Variants in PCM1 observed in about 807,000 individuals in gnomAD.
PCM1 encodes pericentriolar material 1 protein.
Under a neutral mutation model 241.9 loss-of-function variants are expected in PCM1, and 157 were observed. The ratio of observed to expected loss-of-function variants is 0.65; its 90% CI spans 0.57 to 0.74. The LOEUF (loss-of-function observed/expected upper bound fraction) is 0.74, where lower values mean the gene tolerates loss of function less well. PCM1 is among the 30% of genes least tolerant of loss of function. The pLI is 0.00. For synonymous variants in PCM1, 1,085 were observed against 784.9 expected (o/e 1.38, Z -6.39); for missense variants, 3,478 against 2,360.1 (o/e 1.47, Z -9.81).
At chr8:17,947,142 G>C in intron 6 of PCM1, 44 bp from the exon 7 acceptor site, 2 of 1,300,618 alleles carry the variant, frequency 1.5e-6, no homozygotes, top group South Asian at 1.4e-5. Flanking sequence ...CCGCAACATG[G>C]ATTTTAATAG....
chr8:17,948,294 CTTTTTTT>C (rs550672840), intron 7 of PCM1, among the ~76,000 whole-genome samples: 12 of 63,948 alleles, frequency 1.9e-4, no homozygotes, highest in East Asian at 1.3e-3. Context: ...CAAATAACCT[CTTTTTTT>C]TTTTTTTTTT....
chr8:17,972,223 C>G, intron 22 of PCM1, 106 bp from the exon 23 acceptor site: 1 of 535,990 alleles, frequency 1.9e-6, no homozygotes, highest in Non-Finnish European at 3.0e-6. Context: ...AGCCTGTTGA[C>G]AATTTTATTC....
At position 18,014,747 on chromosome 8, in the gene PCM1, T is replaced by C; in HGVS notation, c.5748T>C (p.Pro1916=). 4 of 1,613,080 alleles carry C rather than the reference T, an allele frequency of 2.5e-6. No individual in the cohort carries two copies. Among genetic ancestry groups the C allele is most frequent in the Non-Finnish European group, 3.4e-6 (4 of 1,179,770 alleles). ...LRLPEMEPLV[P]RVKEVKSAQE... Reference sequence around the variant, plus strand: ...TACCTGAAATGGAACCCTTAGTGCCTAGAGTCAAAGAAGTTAAATCTGCTC... The same window carrying C: ...TACCTGAAATGGAACCCTTAGTGCCCAGAGTCAAAGAAGTTAAATCTGCTC... The change falls in exon 36 of 39, where the codon CCT becomes CCC. Residue 1916 remains proline (P), a synonymous_variant. Transcript: ENST00000325083.
In PCM1 at chr8:17,962,062, C is replaced by T. The variant is rs201965485; in HGVS notation, c.2351C>T (p.Pro784Leu). 64 of 1,611,154 alleles carry T rather than the reference C, an allele frequency of 4.0e-5. No homozygotes were observed. The African/African-American group carries it at 6.1e-4, about 15-fold the overall frequency. ...QLSAASVGNC[P>L]TKKYMPAVTS... is the part of the protein sequence containing the mutation. ...TCAGCTGCTAGTGTGGGTAACTGTC[C>T]CACCAAAAAATATATGCCAGCTGTT... Residue 784 changes from proline to leucine, a missense_variant, in exon 16 of 39, where the codon CCC becomes CTC. By Grantham distance (98) the Pro-to-Leu change is moderately conservative. Coordinates refer to ENST00000325083, the MANE Select transcript of PCM1 (RefSeq NM_006197.4).
chr8:17,953,069 G>T lies in PCM1; in HGVS notation c.1171G>T (p.Asp391Tyr). 6.2e-7 allele frequency: 1 copy of T among 1,606,258 alleles called. No individual in the cohort carries two copies. Among genetic ancestry groups the T allele is most frequent in the Non-Finnish European group, 8.5e-7 (1 of 1,175,836 alleles). The change falls in exon 9 of 39, where the codon GAT (aspartate) becomes TAT (tyrosine). Residue 391 changes from aspartate to tyrosine, a missense_variant. Coordinates refer to ENST00000325083, the MANE Select transcript of PCM1 (RefSeq NM_006197.4). ...ACCATCAGCTTCAGAACGTTTACCT[G>T]ATGAGAAAGTCGAACTTTTTAGCAA... Reference protein sequence around the residue: ...RKPSASERLPDEKVELFSKMR... With the variant: ...RKPSASERLPYEKVELFSKMR...
chr8:17,989,873 G>T lies in PCM1; in HGVS notation c.4425G>T (p.Lys1475Asn). The change falls in exon 27 of 39, where the codon AAG (lysine) becomes AAT (asparagine). Residue 1475 changes from lysine (K) to asparagine (N), a missense_variant. Physicochemically the swap from Lys to Asn is moderately conservative, Grantham distance 94 (BLOSUM62 0). Transcript: ENST00000325083. ...CTGTAACTTAGGAAACTTTTGAGAA[G>T]AACTTTGAAAGAGAAACCCATAAAA... ...LATTDDETFE[K>N]NFERETHKIS... 2 of 1,540,748 alleles carry T rather than the reference G, an allele frequency of 1.3e-6. No homozygotes were observed. Among genetic ancestry groups the T allele is most frequent in the South Asian group, 1.2e-5 (1 of 82,706 alleles).
At chr8:17,949,636 T>C (rs1396422613) in intron 7 of PCM1, among the ~76,000 whole-genome samples, 1 of 152,060 alleles carries the variant, frequency 6.6e-6, no homozygotes, top group Non-Finnish European at 1.5e-5. Flanking sequence ...TAGCTAGGAA[T>C]ACAGGCGTGC....
chr8:17,951,571 A>C (rs1250539763), intron 8 of PCM1, among the ~76,000 whole-genome samples: 4 of 152,222 alleles, frequency 2.6e-5, no homozygotes, highest in African/African-American at 9.6e-5. Flanking sequence ...TCTTTATAGC[A>C]GTTACAGTAA....
At chr8:17,963,024 A>C in intron 16 of PCM1, 77 bp from the exon 17 acceptor site, 1 of 984,630 alleles carries the variant, frequency 1.0e-6, no homozygotes, top group Non-Finnish European at 1.5e-6. Flanking sequence ...GATACTGACA[A>C]TACTAGTAGT....
chr8:17,928,932 A>G (rs963829710), intron 2 of PCM1, among the ~76,000 whole-genome samples: 2 of 152,090 alleles, frequency 1.3e-5, no homozygotes, highest in African/African-American at 4.8e-5. Context: ...GCACCCGACC[A>G]GTATCTCCCT....
intron 24 of PCM1, among the ~76,000 whole-genome samples, chr8:17,984,720 C>A (rs978842697): frequency 3.3e-5 from 5 of 151,748 alleles, no homozygotes; most frequent in Admixed American, 2.6e-4. Context: ...TAAATGGATA[C>A]CTTTGAGTGT....
chr8:18,007,459 CATT>C, intron 30 of PCM1, among the ~76,000 whole-genome samples: 1 of 152,168 alleles, frequency 6.6e-6, no homozygotes, highest in East Asian at 1.9e-4. Context: ...TAGGAAACTC[CATT>C]TTAGAATAAG....
In PCM1 at chr8:18,028,920, G is replaced by A. The variant is rs1184255971; in HGVS notation, c.*1258G>A. 1 of 181,022 alleles carries A rather than the reference G, an allele frequency of 5.5e-6. No homozygotes were observed. Among genetic ancestry groups the A allele is most frequent in the Non-Finnish European group, 1.2e-5 (1 of 84,786 alleles). 11.2% of individuals were successfully genotyped at this position (181,022 alleles called of 1,614,324 possible). On this transcript the variant is annotated 3_prime_UTR_variant, in exon 39 of 39. Transcript: ENST00000325083. ...TAATCCCAGCACCTTGGGAGGCCGA[G>A]GCGGGCAGATCACGAGGTCAAGAGA...
chr8:17,936,096 T>A (rs1563669114), intron 3 of PCM1, among the ~76,000 whole-genome samples: 1 of 152,222 alleles, frequency 6.6e-6, no homozygotes, highest in Admixed American at 6.5e-5. Context: ...CTCTGGTCCA[T>A]GTGATATACT....
Position 18,011,340 on chromosome 8 carries a change from A to G in PCM1, c.5324A>G (p.Glu1775Gly), listed in dbSNP as rs1010360723. Residue 1775 changes from glutamate (E) to glycine (G), a missense_variant, in exon 33 of 39, where the codon GAA becomes GGA. Glu to Gly is a moderately conservative substitution (Grantham distance 98). Transcript: ENST00000325083. Reference sequence around the variant, plus strand: ...ATTTCTGATCAAGAGGAAGATGAAGAAAGTGAAGGATGTCCAGTGTCTATT... The same window carrying G: ...ATTTCTGATCAAGAGGAAGATGAAGGAAGTGAAGGATGTCCAGTGTCTATT... ...SDISDQEEDE[E>G]SEGCPVSINL... 1 of 1,601,730 alleles carries G rather than the reference A, an allele frequency of 6.2e-7. No homozygotes were observed. The highest frequency in any genetic ancestry group is 1.3e-5 in the African/African-American group (1 of 74,606).
Position 17,972,515 on chromosome 8 carries a change from A to G in PCM1, c.3771A>G (p.Ser1257=), listed in dbSNP as rs770688499. The G allele has an allele frequency of 3.1e-6, 5 of 1,613,844 alleles. No individual in the cohort carries two copies. Among genetic ancestry groups the G allele is most frequent in the Non-Finnish European group, 4.2e-6 (5 of 1,179,832 alleles). ...GAAGACGCCAGTTTGATGAAGAATC[A>G]CTGGAAAGCTTTAGCAGTATGCCTG... ...NGRRRQFDEE[S]LESFSSMPDP... is the part of the protein sequence containing the mutation. Residue 1257 remains serine (S), a synonymous_variant, in exon 23 of 39, where the codon TCA becomes TCG. Transcript: ENST00000325083.
chr8:18,011,613 A>G (rs1033338020), intron 33 of PCM1, 54 bp from the exon 34 acceptor site: 15 of 1,473,384 alleles, frequency 1.0e-5, no homozygotes, highest in South Asian at 9.0e-5. Flanking sequence ...AGTGGTAGCT[A>G]TTGTTAAGAT....
At chr8:17,932,009 C>G (rs1297119957) in intron 2 of PCM1, among the ~76,000 whole-genome samples, 1 of 151,954 alleles carries the variant, frequency 6.6e-6, no homozygotes, top group Non-Finnish European at 1.5e-5. Flanking sequence ...AGTTTCTTAG[C>G]TTTTGTTTAA....
At chr8:17,963,837 A>T (rs1168596069) in intron 17 of PCM1, among the ~76,000 whole-genome samples, 1 of 152,226 alleles carries the variant, frequency 6.6e-6, no homozygotes, top group African/African-American at 2.4e-5. Context: ...AGATTTGTTT[A>T]TGACCTTCCC....
Sources: gnomAD v4.1 joint callset for allele counts (sites outside exome capture counted in the v4.1 genomes callset) on GRCh38, gnomAD v4.1.1 for gene constraint, MANE v1.5 for transcripts, NCBI Gene and HGNC (gene_info 2026-07-23, HGNC 2026-07-21) for gene names.